The following ANK3 variants were observed in gnomAD, a reference collection of about 807,000 sequenced individuals.
The protein encoded by ANK3 is ankyrin 3.
In ANK3, 57 loss-of-function variants were observed where a neutral mutation model predicts 370.9. The observed-to-expected ratio is 0.15, with a 90% CI of 0.12 to 0.19. ANK3 has a LOEUF of 0.19. Among genes scored for constraint, ANK3 ranks in the 10% least tolerant of loss-of-function variants. ANK3 has a pLI of 1.00. For synonymous variants in ANK3, 1,929 were observed against 1,946.3 expected, an observed-to-expected ratio of 0.99 and a Z score of 0.23; for missense variants, 4,439 against 5,302.1, an observed-to-expected ratio of 0.84 and a Z score of 5.06.
At chr10:60,522,813 T>C (rs1301606442) in intron 2 of ANK3, among the ~76,000 whole-genome samples, 2 of 152,194 alleles carry the variant, frequency 1.3e-5, no homozygotes, top group African/African-American at 4.8e-5. Context: ...AAAGATCTTA[T>C]TGAAATCCTT....
chr10:60,584,202 C>A (rs986034995), intron 2 of ANK3, among the ~76,000 whole-genome samples: 4 of 152,104 alleles, frequency 2.6e-5, no homozygotes, highest in Non-Finnish European at 5.9e-5. Context: ...TAGGCTGGAC[C>A]AATTACTTGG....
At chr10:60,630,968 T>C (rs10761530) in intron 1 of ANK3, among the ~76,000 whole-genome samples, 78,094 of 151,848 alleles carry the variant, frequency 0.51, 20,027 homozygotes, top group Admixed American at 0.57. Context: ...ATAAATAAGA[T>C]CTACCCTGGA....
At chr10:60,081,629 A>C in intron 35 of ANK3, 1 of 351,114 alleles carries the variant, frequency 2.8e-6, no homozygotes, top group Non-Finnish European at 5.6e-6. Flanking sequence ...TATTTGTACA[A>C]TAAAATTGCA....
intron 2 of ANK3, among the ~76,000 whole-genome samples, chr10:60,503,565 A>T (rs2075860088): frequency 6.6e-6 from 1 of 152,158 alleles, no homozygotes; most frequent in Non-Finnish European, 1.5e-5. Flanking sequence ...GTTGATCACC[A>T]AGCTACAGTG....
chr10:60,377,059 C>T (rs1005663377), intron 1 of ANK3, among the ~76,000 whole-genome samples: 1 of 152,180 alleles, frequency 6.6e-6, no homozygotes, highest in African/African-American at 2.4e-5. Context: ...CTTCCTGTTA[C>T]TTAAGGACAG....
intron 6 of ANK3, among the ~76,000 whole-genome samples, chr10:60,262,769 A>T (rs1455031761): frequency 6.6e-6 from 1 of 152,146 alleles, no homozygotes; most frequent in Non-Finnish European, 1.5e-5. Flanking sequence ...ACCCTAAAAA[A>T]CGAGTCCTGG....
chr10:60,401,130 G>C (rs1007848499), intron 2 of ANK3, among the ~76,000 whole-genome samples: 2 of 152,116 alleles, frequency 1.3e-5, no homozygotes, highest in African/African-American at 2.4e-5. Flanking sequence ...GTCAGTCACA[G>C]AAAGACAAAT....
At position 60,438,614 on chromosome 10, in the gene ANK3, T is replaced by C. The variant is rs567324117; in HGVS notation, c.97-158975A>G. On this transcript the variant is annotated intron_variant, in intron 2 of 43. Transcript: ENST00000373827. ...TCACAATGATTGGATGATTAGGTGT[T>C]AGATGAAAAAAATAAAAAGTTTCTA... Among the ~76,000 whole-genome samples the C allele has an allele frequency of 3.9e-5, 6 of 152,238 alleles. No homozygotes were observed. In the East Asian group the frequency reaches 9.6e-4, roughly 24 times the overall value.
At chr10:60,619,676 T>C (rs1238621428) in intron 1 of ANK3, among the ~76,000 whole-genome samples, 3 of 152,106 alleles carry the variant, frequency 2.0e-5, no homozygotes, top group African/African-American at 7.2e-5. Flanking sequence ...TATTTTTATT[T>C]GATAAAAGAT....
intron 2 of ANK3, among the ~76,000 whole-genome samples, chr10:60,511,706 A>G (rs2076085045): frequency 6.6e-6 from 1 of 152,176 alleles, no homozygotes; most frequent in Middle Eastern, 3.4e-3. Flanking sequence ...TACTGAAAGG[A>G]TAAGCTCAGT....
chr10:60,189,789 T>A (rs371438674), intron 16 of ANK3, among the ~76,000 whole-genome samples: 4 of 152,204 alleles, frequency 2.6e-5, no homozygotes, highest in African/African-American at 7.2e-5. Flanking sequence ...GCTTGCCACA[T>A]GTGCTTTTGC....
intron 1 of ANK3, among the ~76,000 whole-genome samples, chr10:60,632,122 C>A (rs1049749789): frequency 6.6e-6 from 1 of 152,140 alleles, no homozygotes; most frequent in African/African-American, 2.4e-5. Flanking sequence ...TAACTTCAAA[C>A]CCTGTATCTA....
chr10:60,067,836 G>T, intron 38 of ANK3, 99 bp downstream of exon 38: 1 of 927,756 alleles, frequency 1.1e-6, no homozygotes, highest in Non-Finnish European at 1.6e-6. Context: ...TTTACTAGCT[G>T]CTTGTTTCTA....
intron 7 of ANK3, among the ~76,000 whole-genome samples, chr10:60,251,667 G>A (rs1057149230): frequency 5.3e-5 from 8 of 152,248 alleles, no homozygotes; most frequent in East Asian, 1.9e-4. Context: ...TCATACTAGG[G>A]GGCAACATGC....
intron 2 of ANK3, among the ~76,000 whole-genome samples, chr10:60,455,796 C>T (rs544182749): frequency 3.3e-4 from 51 of 152,280 alleles, no homozygotes; most frequent in South Asian, 3.1e-3. Flanking sequence ...AACTCAGTCT[C>T]GGCTATTCGT....
intron 1 of ANK3, among the ~76,000 whole-genome samples, chr10:60,730,267 C>T (rs971212067): frequency 2.0e-5 from 3 of 152,070 alleles, no homozygotes; most frequent in African/African-American, 7.2e-5. Context: ...AAGTGATCCT[C>T]CCACCTCAGC....
chr10:60,576,436 T>A (rs571675699), intron 2 of ANK3, among the ~76,000 whole-genome samples: 2 of 151,808 alleles, frequency 1.3e-5, no homozygotes, highest in South Asian at 2.1e-4. Flanking sequence ...GGAAGCAAAT[T>A]TTTTTAAGCT....
intron 5 of ANK3, among the ~76,000 whole-genome samples, chr10:60,266,905 C>G (rs1033081339): frequency 6.6e-6 from 1 of 152,068 alleles, no homozygotes; most frequent in African/African-American, 2.4e-5. Context: ...ATAATAGGTG[C>G]TTAATAATTA....
rs1247552544 is a variant in ANK3, at chr10:60,072,863, G to T, written c.8018C>A (p.Pro2673Gln). The T allele has an allele frequency of 6.2e-7, 1 of 1,613,980 alleles. No homozygotes were observed. The highest frequency in any genetic ancestry group is 1.3e-5 in the African/African-American group (1 of 74,894). The change falls in exon 37 of 44, where the codon CCA (proline) becomes CAA (glutamine). Residue 2673 changes from proline (P) to glutamine (Q), a missense_variant. This residue lies in a region of ANK3 where 1,601 missense variants were observed against 1,731.7 expected (regional missense o/e 0.92). Transcript: ENST00000280772. ...CTGTTGGGAGAGAACCATCTTCTCT[G>T]GGCTGCTGGGCAGACTGGGTGCCTT... ...EEKAPSLPSS[P>Q]EKMVLSQQTE...
Sources: gnomAD v4.1 joint callset for allele counts (sites outside exome capture counted in the v4.1 genomes callset) on GRCh38, gnomAD v4.1.1 for gene constraint, gnomAD v4.1.1 regional missense constraint, MANE v1.5 for transcripts, NCBI Gene and HGNC (gene_info 2026-07-23, HGNC 2026-07-21) for gene names.